The following AFF2 variants were observed in gnomAD, a reference collection of about 807,000 sequenced individuals.
AFF2 encodes AF4/FMR2 family member 2.
In AFF2, 14 loss-of-function variants were observed where a neutral mutation model predicts 76.9. The ratio of observed to expected loss-of-function variants is 0.18; its 90% CI spans 0.12 to 0.28. The LOEUF (loss-of-function observed/expected upper bound fraction) is 0.28. AFF2 is among the 10% of genes least tolerant of loss of function. AFF2 has a pLI of 1.00. For synonymous variants in AFF2, 398 were observed against 366.7 expected (o/e 1.09, Z -0.98); for missense variants, 868 against 1,001.1 (o/e 0.87, Z 1.79).
chrX:148,799,406 T>G (rs886544673), intron 3 of AFF2, among the ~76,000 whole-genome samples: 1 of 112,072 alleles, frequency 8.9e-6, no homozygotes, highest in African/African-American at 3.2e-5. Context: ...AGGAGAACAA[T>G]CTGAGATTGA....
intron 3 of AFF2, among the ~76,000 whole-genome samples, chrX:148,703,412 A>T (rs2054827016): frequency 8.9e-6 from 1 of 112,279 alleles, no homozygotes; most frequent in Non-Finnish European, 1.9e-5. Flanking sequence ...TGATTCTTTT[A>T]AAAATAATAT....
intron 3 of AFF2, among the ~76,000 whole-genome samples, chrX:148,692,499 T>A (rs1383685993): frequency 1.8e-5 from 2 of 112,184 alleles, no homozygotes; most frequent in Non-Finnish European, 3.8e-5. Flanking sequence ...TTAATACTTA[T>A]GTTTTTGTTC....
chrX:148,695,577 G>A (rs2054712272), intron 3 of AFF2, among the ~76,000 whole-genome samples: 1 of 112,105 alleles, frequency 8.9e-6, no homozygotes, highest in Non-Finnish European at 1.9e-5. Context: ...CAGTGGAATT[G>A]CAGAAACAGT....
At chrX:148,832,894 T>C (rs2070471328) in intron 4 of AFF2, among the ~76,000 whole-genome samples, 1 of 111,947 alleles carries the variant, frequency 8.9e-6, no homozygotes, top group South Asian at 3.7e-4. Flanking sequence ...TTTGGGGCTC[T>C]CTCTGACTAT....
intron 3 of AFF2, among the ~76,000 whole-genome samples, chrX:148,705,607 G>A (rs921742329): frequency 5.4e-5 from 6 of 111,712 alleles, no homozygotes; most frequent in Non-Finnish European, 1.9e-5. Context: ...AGGGAACAAC[G>A]GAGTTTTCAT....
intron 20 of AFF2, among the ~76,000 whole-genome samples, chrX:148,988,283 G>A (rs2072496747): frequency 8.9e-6 from 1 of 111,924 alleles, no homozygotes; most frequent in Non-Finnish European, 1.9e-5. Context: ...GGCTGATTCT[G>A]GCCCAGCAGT....
chrX:148,679,454 A>G (rs782702333), intron 3 of AFF2, among the ~76,000 whole-genome samples: 1 of 110,758 alleles, frequency 9.0e-6, no homozygotes, highest in Admixed American at 9.7e-5. Context: ...TTGCATCCCT[A>G]TTTAATTTGT....
intron 7 of AFF2, among the ~76,000 whole-genome samples, chrX:148,882,185 T>G (rs2071104891): frequency 2.7e-5 from 3 of 111,695 alleles, no homozygotes; most frequent in Non-Finnish European, 5.6e-5. Flanking sequence ...ACCTGTCATG[T>G]CATAGTGCAC....
chrX:148,644,696 T>G (rs1401271429), intron 1 of AFF2, among the ~76,000 whole-genome samples: 3 of 112,559 alleles, frequency 2.7e-5, no homozygotes, highest in African/African-American at 9.7e-5. Flanking sequence ...GTTTGGTCCT[T>G]GATTTTCCTT....
intron 9 of AFF2, among the ~76,000 whole-genome samples, chrX:148,942,428 A>C (rs1328131012): frequency 8.9e-6 from 1 of 111,748 alleles, no homozygotes; most frequent in Non-Finnish European, 1.9e-5. Context: ...AAATAGAGAG[A>C]TCTCATGATA....
At position 148,942,322 on chromosome X, in the gene AFF2, A is replaced by C. The variant is rs190441991; in HGVS notation, c.1398-11258A>C. On this transcript the variant is annotated intron_variant, in intron 9 of 20. Transcript: ENST00000370460. Reference sequence around the variant, plus strand: ...CTGTTGGGAATAACAATCAGAAATAAAACTGACACTAAGGTAGGGTGTTGA... The same window carrying C: ...CTGTTGGGAATAACAATCAGAAATACAACTGACACTAAGGTAGGGTGTTGA... Among the ~76,000 whole-genome samples, 451 of 110,370 alleles carry C rather than the reference A, an allele frequency of 4.1e-3. 5 individuals carry two copies. Among genetic ancestry groups the C allele is most frequent in the African/African-American group, 0.014 (429 of 30,351 alleles).
At chrX:148,978,811 G>C (rs782242452) in intron 18 of AFF2, among the ~76,000 whole-genome samples, 58 of 111,669 alleles carry the variant, frequency 5.2e-4, no homozygotes, top group African/African-American at 1.8e-3. Context: ...GTCAGCCCAG[G>C]AATCTCTCAG....
At chrX:148,988,514 T>C (rs1173515695) in intron 20 of AFF2, among the ~76,000 whole-genome samples, 1 of 112,031 alleles carries the variant, frequency 8.9e-6, no homozygotes, top group Non-Finnish European at 1.9e-5. Flanking sequence ...GTCTCTATAA[T>C]GGACGTAATG....
At chrX:148,743,232 G>T (rs1416797269) in intron 3 of AFF2, among the ~76,000 whole-genome samples, 5 of 112,163 alleles carry the variant, frequency 4.5e-5, no homozygotes, top group African/African-American at 1.6e-4. Flanking sequence ...ATCAACTGTT[G>T]CATGAATGAG....
intron 15 of AFF2, among the ~76,000 whole-genome samples, chrX:148,969,240 T>A (rs782761470): frequency 8.8e-6 from 1 of 113,125 alleles, no homozygotes; most frequent in Non-Finnish European, 1.9e-5. Flanking sequence ...CATTCCCAAT[T>A]GGGGAGATGC....
chrX:148,926,157 A>G (rs1321558379), intron 9 of AFF2, among the ~76,000 whole-genome samples: 4 of 111,263 alleles, frequency 3.6e-5, no homozygotes, highest in Non-Finnish European at 5.7e-5. Context: ...CATTCCTGGT[A>G]TTTTTCTTGC....
intron 1 of AFF2, among the ~76,000 whole-genome samples, chrX:148,611,192 T>C (rs949544359): frequency 8.9e-6 from 1 of 111,919 alleles, no homozygotes; most frequent in Admixed American, 9.4e-5. Context: ...TCAAGTGGTC[T>C]GGCAGGTAGG....
At chrX:148,610,254 C>T (rs1557249322) in intron 1 of AFF2, among the ~76,000 whole-genome samples, 1 of 110,887 alleles carries the variant, frequency 9.0e-6, no homozygotes, top group Non-Finnish European at 1.9e-5. Context: ...GGTATTGAGT[C>T]ACAGGTGGTG....
At chrX:148,812,313 G>T (rs2124642441) in intron 4 of AFF2, among the ~76,000 whole-genome samples, 1 of 110,698 alleles carries the variant, frequency 9.0e-6, no homozygotes, top group South Asian at 3.9e-4. Context: ...ACCTCTCCTG[G>T]CCATGCTCGC....
Sources: allele counts gnomAD v4.1 joint callset (sites outside exome capture counted in the v4.1 genomes callset), GRCh38; gene constraint gnomAD v4.1.1; transcripts MANE v1.5; gene names NCBI Gene and HGNC (gene_info 2026-07-23, HGNC 2026-07-21).